Variants in KCNB2 observed in about 807,000 individuals in gnomAD.
KCNB2 encodes the protein potassium voltage-gated channel subfamily B member 2, also known as delayed rectifier potassium channel protein.
Under a neutral mutation model 61.5 loss-of-function variants are expected in KCNB2, and 15 were observed. That is an observed-to-expected ratio of 0.24 (90% confidence interval 0.16 to 0.38). The LOEUF (loss-of-function observed/expected upper bound fraction) is 0.38, where lower values mean the gene tolerates loss of function less well. KCNB2 is among the 10% of genes least tolerant of loss of function. The pLI is 1.00. For synonymous variants in KCNB2, 457 were observed against 446.0 expected, an observed-to-expected ratio of 1.02 and a Z score of -0.31; for missense variants, 828 against 1,125.2, an observed-to-expected ratio of 0.74 and a Z score of 3.78.
intron 2 of KCNB2, among the ~76,000 whole-genome samples, chr8:72,699,512 T>A (rs2128990869): frequency 6.6e-6 from 1 of 152,192 alleles, no homozygotes; most frequent in Non-Finnish European, 1.5e-5. Flanking sequence ...GTCAGATGGG[T>A]AGATTGCAAA....
chr8:72,907,848 T>C (rs566546794), intron 2 of KCNB2, among the ~76,000 whole-genome samples: 1 of 152,314 alleles, frequency 6.6e-6, no homozygotes, highest in East Asian at 1.9e-4. Context: ...ACCCTAAGTG[T>C]TATATAATAA....
At chr8:72,725,591 G>GTATGTGTATATATATATA (rs1807631795) in intron 2 of KCNB2, among the ~76,000 whole-genome samples, 5 of 51,954 alleles carry the variant, frequency 9.6e-5, no homozygotes, top group African/African-American at 2.6e-4. Flanking sequence ...ATATATGTAT[G>GTATGTGTATATATATATA]TATATATATA....
intron 2 of KCNB2, among the ~76,000 whole-genome samples, chr8:72,628,853 C>T (rs1805835691): frequency 6.6e-6 from 1 of 152,246 alleles, no homozygotes; most frequent in Admixed American, 6.5e-5. Context: ...TGCCAGCTCT[C>T]TCTTCTTACC....
chr8:72,575,427 T>C (rs1806780992), intron 2 of KCNB2, among the ~76,000 whole-genome samples: 1 of 152,158 alleles, frequency 6.6e-6, no homozygotes. Flanking sequence ...ATGCCACTGA[T>C]ATTTTCCTTT....
chr8:72,747,970 C>T (rs940625129), intron 2 of KCNB2, among the ~76,000 whole-genome samples: 39 of 152,182 alleles, frequency 2.6e-4, no homozygotes, highest in African/African-American at 8.4e-4. Context: ...TCTGGTGCTT[C>T]CATCTTCAAA....
At chr8:72,867,160 C>T (rs1487168384) in intron 2 of KCNB2, among the ~76,000 whole-genome samples, 1 of 152,154 alleles carries the variant, frequency 6.6e-6, no homozygotes, top group Non-Finnish European at 1.5e-5. Flanking sequence ...CCCTTTATAA[C>T]CTTCTTAATT....
At chr8:72,806,185 C>A (rs1478923845) in intron 2 of KCNB2, among the ~76,000 whole-genome samples, 1 of 151,750 alleles carries the variant, frequency 6.6e-6, no homozygotes, top group African/African-American at 2.4e-5. Flanking sequence ...TGGTGGAAAC[C>A]CATCTCTACT....
chr8:72,769,324 G>A (rs1262124023), intron 2 of KCNB2, among the ~76,000 whole-genome samples: 1 of 151,640 alleles, frequency 6.6e-6, no homozygotes, highest in Non-Finnish European at 1.5e-5. Context: ...GCCTCTATTG[G>A]ACACTGATCA....
At chr8:72,757,029 G>A (rs1012310856) in intron 2 of KCNB2, among the ~76,000 whole-genome samples, 6 of 152,272 alleles carry the variant, frequency 3.9e-5, no homozygotes, top group African/African-American at 1.2e-4. Context: ...CATTGGCAGA[G>A]CATGATACTT....
intron 2 of KCNB2, among the ~76,000 whole-genome samples, chr8:72,914,348 AAAAT>A (rs1407226893): frequency 2.3e-4 from 35 of 152,358 alleles, no homozygotes; most frequent in African/African-American, 7.5e-4. Flanking sequence ...AATTTAGGAG[AAAAT>A]AAAACTACAT....
At chr8:72,915,022 A>G (rs1266921919) in intron 2 of KCNB2, among the ~76,000 whole-genome samples, 1 of 151,394 alleles carries the variant, frequency 6.6e-6, no homozygotes, top group Non-Finnish European at 1.5e-5. Context: ...CTCCTGCCTC[A>G]GCCTCCTGAG....
intron 1 of KCNB2, among the ~76,000 whole-genome samples, chr8:72,551,998 T>C (rs919722256): frequency 1.3e-5 from 2 of 152,130 alleles, no homozygotes; most frequent in African/African-American, 2.4e-5. Context: ...TAGGGCAGGA[T>C]AGGACCAGAG....
intron 2 of KCNB2, chr8:72,618,743 T>A (rs745948677): frequency 1.4e-4 from 24 of 170,230 alleles, no homozygotes; most frequent in Non-Finnish European, 2.5e-4. Context: ...TTTTGTCTAC[T>A]TTCTTTGTAA....
intron 2 of KCNB2, among the ~76,000 whole-genome samples, chr8:72,816,841 T>C (rs1809403714): frequency 6.6e-6 from 1 of 152,188 alleles, no homozygotes; most frequent in African/African-American, 2.4e-5. Flanking sequence ...TGCCGTTTCT[T>C]GCACACTGTG....
At chr8:72,553,799 T>C (rs954846989) in intron 1 of KCNB2, among the ~76,000 whole-genome samples, 83 of 152,166 alleles carry the variant, frequency 5.5e-4, no homozygotes, top group Non-Finnish European at 1.9e-4. Context: ...GTAATCATTT[T>C]TGTCATTTTT....
At chr8:72,822,960 C>T (rs764489230) in intron 2 of KCNB2, among the ~76,000 whole-genome samples, 1 of 152,016 alleles carries the variant, frequency 6.6e-6, no homozygotes, top group Admixed American at 6.6e-5. Context: ...TGACCCCTCC[C>T]CACCCAACCC....
intron 2 of KCNB2, among the ~76,000 whole-genome samples, chr8:72,852,556 T>C (rs1404302322): frequency 1.3e-5 from 2 of 152,224 alleles, no homozygotes; most frequent in African/African-American, 2.4e-5. Flanking sequence ...TAAATATTTA[T>C]GTGAGATGCA....
At chr8:72,708,886 T>G (rs551390045) in intron 2 of KCNB2, among the ~76,000 whole-genome samples, 1 of 152,322 alleles carries the variant, frequency 6.6e-6, no homozygotes, top group African/African-American at 2.4e-5. Flanking sequence ...CCTATCCTAT[T>G]TTTATCTGCA....
intron 2 of KCNB2, among the ~76,000 whole-genome samples, chr8:72,654,750 T>G (rs546227679): frequency 2.6e-5 from 4 of 152,180 alleles, no homozygotes; most frequent in African/African-American, 9.6e-5. Context: ...AAAAGTCTCC[T>G]AGAACATGGG....
Sources: allele counts gnomAD v4.1 joint callset (sites outside exome capture counted in the v4.1 genomes callset), GRCh38; gene constraint gnomAD v4.1.1; transcripts MANE v1.5; gene names NCBI Gene and HGNC (gene_info 2026-07-23, HGNC 2026-07-21).